The following NLRC5 variants were observed in gnomAD, a reference collection of about 807,000 sequenced individuals.
NLRC5 encodes the protein NLR family CARD domain containing 5.
A neutral mutation model predicts 206.9 loss-of-function variants in NLRC5; 114 were observed. That is an observed-to-expected ratio of 0.55 (90% CI 0.47 to 0.64). NLRC5 has a LOEUF of 0.64. Ranked by LOEUF, NLRC5 falls within the 30% of genes least tolerant of loss-of-function variation. The pLI, the probability that NLRC5 is intolerant of heterozygous loss-of-function variation, is 0.00. For synonymous variants in NLRC5, 952 were observed against 962.8 expected, an observed-to-expected ratio of 0.99 and a Z score of 0.21; for missense variants, 2,008 against 2,305.5, an observed-to-expected ratio of 0.87 and a Z score of 2.64.
At chr16:57,062,141 T>C (rs999944009) in intron 32 of NLRC5, 2 of 851,196 alleles carry the variant, frequency 2.3e-6, no homozygotes, top group Non-Finnish European at 3.4e-6. Flanking sequence ...TTTGCTTCTA[T>C]TTTTATTTTT....
rs1383150855 is a variant in NLRC5, at chr16:57,065,229, C to T, written c.4172C>T (p.Ala1391Val). 1.9e-6 allele frequency: 3 copies of T among 1,562,320 alleles called. No homozygotes were observed. The highest frequency in any genetic ancestry group is 2.4e-5 in the East Asian group (1 of 41,478). Residue 1391 changes from alanine to valine, a missense_variant, in exon 33 of 49, where the codon GCG becomes GTG. Coordinates refer to ENST00000688547, the MANE Select transcript of NLRC5 (RefSeq NM_001384950.1). Reference sequence around the variant, plus strand: ...TGTGACAGGGTGCAGGAGCCGTGGGCGGACAGAGCCAGGGTTCTCTCCCTG... The same window carrying T: ...TGTGACAGGGTGCAGGAGCCGTGGGTGGACAGAGCCAGGGTTCTCTCCCTG... ...LFSLRVQEPWADRARVLSLLE... is the reference protein window; with the variant it reads ...LFSLRVQEPWVDRARVLSLLE...
chr16:57,028,078 G>C lies in NLRC5; in HGVS notation c.2082G>C (p.Lys694Asn). ...TCGCTTCTTCTTATGGCAGCTTTAAGAGCAGGAAGTGTGGGGATGCCTTTG... is the reference window on the plus strand; with the variant it reads ...TCGCTTCTTCTTATGGCAGCTTTAACAGCAGGAAGTGTGGGGATGCCTTTG... ...GCGQIENLSF[K>N]SRKCGDAFAE... Residue 694 changes from lysine to asparagine, a missense_variant, in exon 7 of 49, where the codon AAG becomes AAC. By Grantham distance (94) the Lys-to-Asn change is moderately conservative (BLOSUM62 0). Transcript: ENST00000688547. 6.2e-7 allele frequency: 1 copy of C among 1,613,150 alleles called. No individual in the cohort carries two copies. Among genetic ancestry groups the C allele is most frequent in the Non-Finnish European group, 8.5e-7 (1 of 1,179,426 alleles).
At chr16:57,029,651 G>C (rs1402339603) in intron 8 of NLRC5, 122 bp from the exon 9 acceptor site, 4 of 762,640 alleles carry the variant, frequency 5.2e-6, no homozygotes, top group East Asian at 5.4e-5. Flanking sequence ...CAGGCCATCA[G>C]CTCTTTCTGG....
intron 37 of NLRC5, 126 bp from the exon 38 acceptor site, chr16:57,070,409 C>T: frequency 5.2e-6 from 4 of 768,076 alleles, no homozygotes; most frequent in Non-Finnish European, 8.8e-6. Context: ...GCGAGGGTGG[C>T]CCAGGGCATG....
chr16:57,070,592 G>C lies in NLRC5; in HGVS notation c.4641G>C (p.Glu1547Asp), dbSNP rs2067526106. 2 of 1,614,050 alleles carry C rather than the reference G, an allele frequency of 1.2e-6. No individual in the cohort carries two copies. The highest frequency in any genetic ancestry group is 1.7e-6 in the Non-Finnish European group (2 of 1,180,024). ...CCAAGGCGCTGATGAGGGCCCTTGA[G>C]GGGAAATGGATGCTAAAGAGGCTGG... ...EGTKALMRAL[E>D]GKWMLKRLDL... Residue 1547 changes from glutamate to aspartate, a missense_variant, in exon 38 of 49, where the codon GAG (glutamate) becomes GAC (aspartate). Coordinates refer to ENST00000688547, the MANE Select transcript of NLRC5 (RefSeq NM_001384950.1).
chr16:57,080,223 G>T (rs370126987), intron 46 of NLRC5, among the ~76,000 whole-genome samples: 1 of 152,156 alleles, frequency 6.6e-6, no homozygotes, highest in African/African-American at 2.4e-5. Context: ...ATTTTAGTTT[G>T]CATCCTAAAG....
chr16:57,074,700 C>A lies in NLRC5; in HGVS notation c.4751+17C>A, dbSNP rs371524916. 3.2e-5 allele frequency: 51 copies of A among 1,611,886 alleles called. No individual in the cohort carries two copies. Among genetic ancestry groups the A allele is most frequent in the Middle Eastern group, 1.6e-4 (1 of 6,078 alleles). On this transcript the variant is annotated intron_variant, in intron 39 of 48. Transcript: ENST00000688547. ...GAGCCTCAGGTGAGTGACCGAGCGG[C>A]CCCATGGGAATGAGTGGGAAGAAAC...
chr16:57,027,078 A>G, intron 6 of NLRC5, 60 bp downstream of exon 6: 1 of 1,556,858 alleles, frequency 6.4e-7, no homozygotes, highest in Non-Finnish European at 8.7e-7. Context: ...GCAGAGGCCA[A>G]CCAGTCTAGC....
intron 20 of NLRC5, 123 bp from the exon 21 acceptor site, chr16:57,045,317 ATCTATTCC>A (rs2063798185): frequency 1.1e-5 from 8 of 725,174 alleles, no homozygotes; most frequent in South Asian, 1.1e-4. Flanking sequence ...TTGTTGCTTA[ATCTATTCC>A]TTGTTTGCTA....
At position 56,996,839 on chromosome 16, in the gene NLRC5, T is replaced by C. The variant is rs564583760; in HGVS notation, c.-128+7222T>C. On this transcript the variant is annotated intron_variant, in intron 1 of 48. Transcript: ENST00000688547. ...GCAGTATTATATTTCAGTTAGGAAA[T>C]GGCCTCTGGAATCAGCATAGATTTT... Among the ~76,000 whole-genome samples the C allele has an allele frequency of 2.2e-4, 33 of 152,312 alleles. No homozygotes were observed. The South Asian group carries it at 6.6e-3, about 31-fold the overall frequency.
intron 23 of NLRC5, among the ~76,000 whole-genome samples, chr16:57,049,460 C>T (rs879468344): frequency 4.6e-5 from 7 of 152,088 alleles, no homozygotes; most frequent in South Asian, 2.1e-4. Context: ...ACTGGCGGCC[C>T]GGCACGGTGA....
chr16:57,080,213 AT>A (rs368490515), intron 46 of NLRC5, among the ~76,000 whole-genome samples: 50 of 152,282 alleles, frequency 3.3e-4, no homozygotes, highest in African/African-American at 1.1e-3. Context: ...TTACGAGAAG[AT>A]TTTAGTTTGC....
At position 57,077,715 on chromosome 16, in the gene NLRC5, A is replaced by G; in HGVS notation, c.4920-4A>G. The G allele has an allele frequency of 6.4e-7, 1 of 1,566,358 alleles. No homozygotes were observed. The highest frequency in any genetic ancestry group is 8.7e-7 in the Non-Finnish European group (1 of 1,153,614). ...AGGACCTGATGGCTGCCCCCCTCCC[A>G]CAGCCTCTCAGGGAATAGCATCAGC... On this transcript the variant is annotated splice_polypyrimidine_tract_variant and splice_region_variant and intron_variant, in intron 41 of 48. Coordinates refer to ENST00000688547, the MANE Select transcript of NLRC5 (RefSeq NM_001384950.1).
At chr16:57,034,431 TG>T in intron 13 of NLRC5, 180 bp downstream of exon 13, 1 of 605,032 alleles carries the variant, frequency 1.7e-6, no homozygotes, top group South Asian at 1.9e-5. Context: ...TCAGGTGCTG[TG>T]CTAGGGACTG....
chr16:57,046,115 G>A lies in NLRC5; in HGVS notation c.3249-437G>A, dbSNP rs1401241037. On this transcript the variant is annotated intron_variant, in intron 21 of 48. Coordinates refer to ENST00000688547, the MANE Select transcript of NLRC5 (RefSeq NM_001384950.1). ...CGTACAGATGGGCTGTCAGGAGTCA[G>A]GGGTGGCTCAAGCCTGGGTGGTCTT... Among the ~76,000 whole-genome samples the A allele has an allele frequency of 2.0e-5, 3 of 152,202 alleles. No homozygotes were observed. In the East Asian group the frequency reaches 5.8e-4, roughly 29 times the overall value.
In NLRC5 at chr16:57,022,311, C is replaced by G. The variant is rs201245557; in HGVS notation, c.351C>G (p.His117Gln). ...AAAGCCAACCTGAATCTCAGCTCCA[C>G]CATGGTGAGGACTGGAGTTGGGGGG... ...EGKSQPESQL[H>Q]HGLKRPHQSC... Residue 117 changes from histidine to glutamine, a missense_variant, in exon 4 of 49, where the codon CAC becomes CAG. Physicochemically the swap from His to Gln is conservative, Grantham distance 24 (BLOSUM62 0). Transcript: ENST00000688547. The G allele has an allele frequency of 3.1e-6, 5 of 1,611,320 alleles. No individual in the cohort carries two copies. In the African/African-American group the frequency reaches 5.3e-5, roughly 17 times the overall value.
At position 57,025,682 on chromosome 16, in the gene NLRC5, G is replaced by A; in HGVS notation, c.739G>A (p.Glu247Lys). ...LAHRLCQKWA[E>K]GHLNCFQALF... ...CCACCGGCTCTGCCAGAAGTGGGCA[G>A]AGGGCCATCTGAACTGTTTCCAGGC... The change falls in exon 6 of 49, where the codon GAG becomes AAG. Residue 247 changes from glutamate to lysine, a missense_variant. Transcript: ENST00000688547. 1 of 1,614,248 alleles carries A rather than the reference G, an allele frequency of 6.2e-7. No individual in the cohort carries two copies. Among genetic ancestry groups the A allele is most frequent in the Non-Finnish European group, 8.5e-7 (1 of 1,180,040 alleles).
At chr16:57,062,241 A>T (rs1438811508) in intron 32 of NLRC5, 1 of 432,838 alleles carries the variant, frequency 2.3e-6, no homozygotes, top group Non-Finnish European at 4.4e-6. Flanking sequence ...AAATAAGGAC[A>T]TTTTTTTCAG....
intron 17 of NLRC5, 40 bp downstream of exon 17, chr16:57,040,758 C>T: frequency 6.3e-7 from 1 of 1,582,434 alleles, no homozygotes; most frequent in African/African-American, 1.3e-5. Context: ...GATTCCAGCC[C>T]CCTCCCTTCC....
Sources: gnomAD v4.1 joint callset for allele counts (sites outside exome capture counted in the v4.1 genomes callset) on GRCh38, gnomAD v4.1.1 for gene constraint, MANE v1.5 for transcripts, NCBI Gene and HGNC (gene_info 2026-07-23, HGNC 2026-07-21) for gene names.